Variants in ZNF804B observed in about 807,000 individuals in gnomAD.
ZNF804B encodes the protein zinc finger protein 804B.
ZNF804B carries 80 observed loss-of-function variants against 101.4 expected under a neutral mutation model. The ratio of observed to expected loss-of-function variants is 0.79; its 90% CI spans 0.66 to 0.95. ZNF804B has a LOEUF of 0.95. Ranked by LOEUF, ZNF804B falls within the 40% of genes least tolerant of loss-of-function variation. The pLI, the probability that ZNF804B is intolerant of heterozygous loss-of-function variation, is 0.00. For missense variants in ZNF804B, 1,673 were observed against 1,561.9 expected, an observed-to-expected ratio of 1.07 and a Z score of -1.20; for synonymous variants, 622 against 558.8, an observed-to-expected ratio of 1.11 and a Z score of -1.59.
intron 1 of ZNF804B, among the ~76,000 whole-genome samples, chr7:88,790,300 G>A (rs1479314833): frequency 6.6e-6 from 1 of 152,100 alleles, no homozygotes; most frequent in Non-Finnish European, 1.5e-5. Context: ...CCAGGTACAA[G>A]TGCAGGACGT....
At position 88,988,109 on chromosome 7, in the gene ZNF804B, A is replaced by G. The variant is rs149807867; in HGVS notation, c.108+228025A>G. On this transcript the variant is annotated intron_variant, in intron 1 of 3. Coordinates refer to ENST00000333190, the MANE Select transcript of ZNF804B (RefSeq NM_181646.5). ...GTATGCCTGGCTTATGTCATTTAAC[A>G]TAATGTCCTCCAGTTCCATCCATGT... Among the ~76,000 whole-genome samples, 784 of 152,060 alleles carry G rather than the reference A, an allele frequency of 5.2e-3. 3 individuals are homozygous for G. Among genetic ancestry groups the G allele is most frequent in the African/African-American group, 0.017 (724 of 41,522 alleles).
intron 1 of ZNF804B, among the ~76,000 whole-genome samples, chr7:89,100,962 A>G (rs777630033): frequency 1.3e-5 from 2 of 152,054 alleles, no homozygotes; most frequent in African/African-American, 4.8e-5. Context: ...ATACACAGGT[A>G]TGTATATATT....
intron 1 of ZNF804B, among the ~76,000 whole-genome samples, chr7:89,039,546 C>A (rs1339460024): frequency 6.6e-6 from 1 of 151,750 alleles, no homozygotes; most frequent in Non-Finnish European, 1.5e-5. Context: ...TTGTCTTCTG[C>A]AAATTGAATT....
intron 1 of ZNF804B, among the ~76,000 whole-genome samples, chr7:89,084,715 A>G (rs942137862): frequency 1.6e-4 from 25 of 152,126 alleles, no homozygotes; most frequent in African/African-American, 6.0e-4. Flanking sequence ...AGATAACAAT[A>G]GTAATACACA....
chr7:88,998,022 C>T (rs1409818122), intron 1 of ZNF804B, among the ~76,000 whole-genome samples: 1 of 152,068 alleles, frequency 6.6e-6, no homozygotes, highest in Non-Finnish European at 1.5e-5. Flanking sequence ...CTGTCTGCCC[C>T]TTTGTCATCC....
chr7:88,819,819 A>G (rs2115756383), intron 1 of ZNF804B, among the ~76,000 whole-genome samples: 1 of 152,312 alleles, frequency 6.6e-6, no homozygotes, highest in South Asian at 2.1e-4. Flanking sequence ...AAAAGAAATT[A>G]TGATTCCACT....
intron 1 of ZNF804B, among the ~76,000 whole-genome samples, chr7:89,201,675 C>T (rs1788641939): frequency 6.6e-6 from 1 of 151,970 alleles, no homozygotes; most frequent in African/African-American, 2.4e-5. Context: ...TAATAATATA[C>T]TCTCTAAAGT....
At chr7:89,203,637 G>A (rs1788677273) in intron 1 of ZNF804B, among the ~76,000 whole-genome samples, 1 of 151,986 alleles carries the variant, frequency 6.6e-6, no homozygotes, top group African/African-American at 2.4e-5. Context: ...ATAGAAGCCT[G>A]GAGCCGCCAG....
At chr7:88,950,411 A>T (rs964881983) in intron 1 of ZNF804B, among the ~76,000 whole-genome samples, 7 of 151,896 alleles carry the variant, frequency 4.6e-5, no homozygotes, top group Admixed American at 4.6e-4. Flanking sequence ...GAGGTTTAGC[A>T]TATTTTCTAA....
At chr7:89,190,148 G>A (rs1385368920) in intron 1 of ZNF804B, among the ~76,000 whole-genome samples, 3 of 151,728 alleles carry the variant, frequency 2.0e-5, no homozygotes, top group Non-Finnish European at 2.9e-5. Context: ...ACAGCCAGGC[G>A]CGGTGACGAA....
intron 2 of ZNF804B, among the ~76,000 whole-genome samples, chr7:89,255,748 A>C (rs565063736): frequency 6.6e-6 from 1 of 152,192 alleles, no homozygotes; most frequent in African/African-American, 2.4e-5. Context: ...ATACAAAAAA[A>C]CCAAAAACTT....
chr7:89,099,281 C>A lies in ZNF804B; in HGVS notation c.109-118874C>A, dbSNP rs569073442. 5.3e-5 allele frequency among the ~76,000 whole-genome samples: 8 copies of A among 151,946 alleles called. No homozygotes were observed. In the South Asian group the frequency reaches 1.7e-3, roughly 32 times the overall value. On this transcript the variant is annotated intron_variant, in intron 1 of 3. Coordinates refer to ENST00000333190, the MANE Select transcript of ZNF804B (RefSeq NM_181646.5). ...CATAACTTGAAATCTAGAGCTCTTTCTTTGAAAGGATGATCTAAGGACAGC... is the reference window on the plus strand; with the variant it reads ...CATAACTTGAAATCTAGAGCTCTTTATTTGAAAGGATGATCTAAGGACAGC...
rs190044848 is a variant in ZNF804B, at chr7:88,937,603, G to A, written c.108+177519G>A. Among the ~76,000 whole-genome samples the A allele has an allele frequency of 1.4e-3, 207 of 152,094 alleles. 3 individuals are homozygous for A. The highest frequency in any genetic ancestry group is 4.8e-3 in the African/African-American group (201 of 41,530). ...TAAAAATAGAGTCGGGGTAACTGAT[G>A]CTATTTGAGCTCTAGGCAAAAGCAA... On this transcript the variant is annotated intron_variant, in intron 1 of 3. Coordinates refer to ENST00000333190, the MANE Select transcript of ZNF804B (RefSeq NM_181646.5).
At chr7:89,298,216 GTATATA>G (rs1171165341) in intron 2 of ZNF804B, among the ~76,000 whole-genome samples, 748 of 27,484 alleles carry the variant, frequency 0.027, 19 homozygotes, top group African/African-American at 0.068. Flanking sequence ...GTGTGTGTGT[GTATATA>G]TATATATATA....
chr7:89,009,219 CTTCT>C (rs1281447307), intron 1 of ZNF804B, among the ~76,000 whole-genome samples: 2 of 152,130 alleles, frequency 1.3e-5, no homozygotes, highest in African/African-American at 4.8e-5. Flanking sequence ...GGTTCTCTGA[CTTCT>C]TTATCACTTT....
chr7:89,274,584 T>C (rs1409989078), intron 2 of ZNF804B, among the ~76,000 whole-genome samples: 1 of 151,590 alleles, frequency 6.6e-6, no homozygotes, highest in African/African-American at 2.4e-5. Flanking sequence ...ATTTTTCCTA[T>C]TTAAGTGAGA....
At chr7:88,823,066 C>G (rs949462373) in intron 1 of ZNF804B, among the ~76,000 whole-genome samples, 1 of 151,990 alleles carries the variant, frequency 6.6e-6, no homozygotes, top group Non-Finnish European at 1.5e-5. Flanking sequence ...AAAAATTAGC[C>G]TGGCGTAGTG....
At chr7:89,007,384 G>T (rs1483126041) in intron 1 of ZNF804B, among the ~76,000 whole-genome samples, 4 of 141,962 alleles carry the variant, frequency 2.8e-5, no homozygotes, top group Non-Finnish European at 6.0e-5. Context: ...GGTTTTCCGG[G>T]TTCAGGAAAC....
chr7:89,007,504 A>ATATAATTATATATAATATAATATATCTAT (rs1788385056), intron 1 of ZNF804B, among the ~76,000 whole-genome samples: 4 of 43,606 alleles, frequency 9.2e-5, no homozygotes, highest in Admixed American at 3.1e-4. Flanking sequence ...AATATAATAC[A>ATATAATTATATATAATATAATATATCTAT]TATAATTATA....
Sources: allele counts gnomAD v4.1 joint callset (sites outside exome capture counted in the v4.1 genomes callset), GRCh38; gene constraint gnomAD v4.1.1; transcripts MANE v1.5; gene names NCBI Gene and HGNC (gene_info 2026-07-23, HGNC 2026-07-21).